Variants in SSU72 observed in about 807,000 individuals in gnomAD.
The protein encoded by SSU72 is SSU72 homolog, RNA polymerase II CTD phosphatase.
A neutral mutation model predicts 22.7 loss-of-function variants in SSU72; 12 were observed. The ratio of observed to expected loss-of-function variants is 0.53; its 90% CI spans 0.34 to 0.86. SSU72 has a LOEUF of 0.86. Ranked by LOEUF, SSU72 falls within the 40% of genes least tolerant of loss-of-function variation. The pLI, the probability that SSU72 is intolerant of heterozygous loss-of-function variation, is 0.02. For missense variants in SSU72, 151 were observed against 249.8 expected, an observed-to-expected ratio of 0.60 and a Z score of 2.67; for synonymous variants, 116 against 98.3, an observed-to-expected ratio of 1.18 and a Z score of -1.06.
chr1:1,564,590 G>A (rs1356217457), intron 2 of SSU72, 183 bp downstream of exon 2: 1 of 1,607,152 alleles, frequency 6.2e-7, no homozygotes, highest in Admixed American at 1.7e-5. Context: ...TGCCATGGGT[G>A]GCACTGGAAC....
intron 2 of SSU72, among the ~76,000 whole-genome samples, chr1:1,556,336 G>A (rs1219047453): frequency 6.6e-6 from 1 of 152,174 alleles, no homozygotes; most frequent in Non-Finnish European, 1.5e-5. Flanking sequence ...GGGAAGCTGA[G>A]GCAGGAGAAT....
chr1:1,559,160 G>C (rs1293468553), intron 2 of SSU72, among the ~76,000 whole-genome samples: 2 of 152,228 alleles, frequency 1.3e-5, no homozygotes, highest in African/African-American at 4.8e-5. Flanking sequence ...CTGGGACTTA[G>C]AAATAGTTCC....
In SSU72 at chr1:1,554,051, G is replaced by A. The variant is rs567617680; in HGVS notation, c.225-9049C>T. On this transcript the variant is annotated intron_variant, in intron 2 of 4. Coordinates refer to ENST00000291386, the MANE Select transcript of SSU72 (RefSeq NM_014188.3). This position sits in a 1 kb window ranked among gnomAD's most constrained non-coding sequence, Gnocchi z 4.1. The stretch of plus-strand genomic sequence containing the variant: ...GACGTCAGGTGGCCACGGAGACCAC[G>A]TGTCAGTGGCCAGGGCCTCTAAAGA... Among the ~76,000 whole-genome samples, 27 of 152,332 alleles carry A rather than the reference G, an allele frequency of 1.8e-4. No individual in the cohort carries two copies. The highest frequency in any genetic ancestry group is 1.4e-3 in the Admixed American group (22 of 15,298).
In SSU72 at chr1:1,574,856, A is replaced by G. The variant is rs968770448; in HGVS notation, c.-299T>C. 3 of 360,794 alleles carry G rather than the reference A, an allele frequency of 8.3e-6. No individual in the cohort carries two copies. Among genetic ancestry groups the G allele is most frequent in the African/African-American group, 4.3e-5 (2 of 46,588 alleles). 22.3% of individuals were successfully genotyped at this position (360,794 alleles called of 1,614,324 possible). On this transcript the variant is annotated 5_prime_UTR_variant, in exon 1 of 5. Coordinates refer to ENST00000291386, the MANE Select transcript of SSU72 (RefSeq NM_014188.3). ...ACCCGCACTCCACAAGGCCCGGCTG[A>G]GCGTCACGGCGCCAAGCGGCGGCGT...
At chr1:1,567,867 C>T (rs998955655) in intron 1 of SSU72, among the ~76,000 whole-genome samples, 26 of 140,430 alleles carry the variant, frequency 1.9e-4, no homozygotes, top group Non-Finnish European at 1.0e-4. Flanking sequence ...GAGCCGAGAT[C>T]GCGCCATTGC....
At chr1:1,566,408 T>C (rs925219448) in intron 1 of SSU72, among the ~76,000 whole-genome samples, 2 of 152,186 alleles carry the variant, frequency 1.3e-5, no homozygotes, top group Non-Finnish European at 2.9e-5. Context: ...TGAAGGAATC[T>C]GCCTGGCTCA....
At chr1:1,563,428 G>C in intron 2 of SSU72, 1 of 151,556 alleles carries the variant, frequency 6.6e-6, no homozygotes, top group African/African-American at 2.4e-5. Flanking sequence ...AGCTATTCGG[G>C]AGGCTGAGGC....
At position 1,541,688 on chromosome 1, in the gene SSU72, TTTA is replaced by T. The variant is rs1642320743; in HGVS notation, c.*375_*377del. The T allele has an allele frequency of 4.3e-6, 1 of 232,086 alleles. No homozygotes were observed. Among genetic ancestry groups the T allele is most frequent in the African/African-American group, 2.3e-5 (1 of 42,758 alleles). The allele number at this position is 232,086 out of a possible 1,614,324, so 14.4% of individuals were successfully genotyped here. ...CCAGGCACAATGACAGCAGCATCTG[TTTA>T]TTGACAATTCCAGGTCATTCCTAAC... On this transcript the variant is annotated 3_prime_UTR_variant, in exon 5 of 5. Transcript: ENST00000291386.
chr1:1,543,805 ACGGCCTCGGTCACTCCCCT>A, intron 4 of SSU72, 45 bp downstream of exon 4: 1 of 1,375,394 alleles, frequency 7.3e-7, no homozygotes, highest in Non-Finnish European at 1.0e-6. Context: ...CCCCTCTGTC[ACGGCCTCGGTCACTCCCCT>A]CTGTCACAAC....
At chr1:1,565,626 C>T (rs930309461) in intron 1 of SSU72, among the ~76,000 whole-genome samples, 4 of 45,902 alleles carry the variant, frequency 8.7e-5, no homozygotes, top group Non-Finnish European at 1.2e-4. Context: ...AACACCCCCA[C>T]GATGTGGCTC....
rs753699933 is a variant in SSU72 at position 1,571,244 on chromosome 1, C to CAAAAAAAAAAAAAAA, written c.80+3219_80+3233dup. On this transcript the variant is annotated intron_variant, in intron 1 of 4. Coordinates refer to ENST00000291386, the MANE Select transcript of SSU72 (RefSeq NM_014188.3). ...TGGGCGACAGAGTGAGACTCCATCT[C>CAAAAAAAAAAAAAAA]AAAAAAAAAAAAAAAAAAAAAAAAA... Among the ~76,000 whole-genome samples, 4 of 46,864 alleles carry CAAAAAAAAAAAAAAA rather than the reference C, an allele frequency of 8.5e-5. 1 individual carries two copies. The highest frequency in any genetic ancestry group is 5.2e-4 in the Admixed American group (2 of 3,868). The allele number at this position is 46,864 out of a possible 152,430, so 30.7% of individuals were successfully genotyped here.
At chr1:1,572,698 C>T (rs1000990968) in intron 1 of SSU72, among the ~76,000 whole-genome samples, 6 of 151,280 alleles carry the variant, frequency 4.0e-5, no homozygotes, top group Non-Finnish European at 7.4e-5. Flanking sequence ...ACTTTGTGAT[C>T]CGCCCATCTC....
intron 2 of SSU72, among the ~76,000 whole-genome samples, chr1:1,552,708 G>A (rs1642467832): frequency 6.6e-6 from 1 of 152,178 alleles, no homozygotes; most frequent in South Asian, 2.1e-4. Context: ...CTGAGGCTTA[G>A]TAGACTCTCA....
chr1:1,553,456 C>T (rs113386956), intron 2 of SSU72, among the ~76,000 whole-genome samples: 4 of 152,028 alleles, frequency 2.6e-5, no homozygotes, highest in African/African-American at 7.2e-5. Context: ...CATGGTGAAA[C>T]CCGTCTCTAG....
chr1:1,564,070 A>G (rs1038143467), intron 2 of SSU72: 7 of 156,324 alleles, frequency 4.5e-5, no homozygotes, highest in South Asian at 4.0e-4. Flanking sequence ...ATCACTCACT[A>G]TAACAAAATA....
intron 1 of SSU72, among the ~76,000 whole-genome samples, chr1:1,567,014 G>C (rs1345558996): frequency 6.6e-6 from 1 of 152,170 alleles, no homozygotes. Context: ...ACAGACACTG[G>C]CTTCTAGAAA....
rs941427584 is a variant in SSU72, at chr1:1,541,760, G to C, written c.*306C>G. The stretch of plus-strand genomic sequence containing the variant: ...GTACAGTCCGGCCCGGTGGGGAGGA[G>C]GGAGGGAAGGCAGGCACACGAAGAC... On this transcript the variant is annotated 3_prime_UTR_variant, in exon 5 of 5. Transcript: ENST00000291386. The C allele has an allele frequency of 2.6e-6, 1 of 389,384 alleles. No homozygotes were observed. The highest frequency in any genetic ancestry group is 2.1e-5 in the African/African-American group (1 of 48,206). 24.1% of individuals were successfully genotyped at this position (389,384 alleles called of 1,614,324 possible). A position where few individuals can be genotyped will look rare whatever the true frequency, so the allele number is the denominator to read the frequency against.
intron 2 of SSU72, chr1:1,563,849 T>A (rs565133566): frequency 6.6e-6 from 1 of 152,070 alleles, no homozygotes; most frequent in African/African-American, 2.4e-5. Flanking sequence ...GGTGACACAG[T>A]GAGACTCTGC....
At chr1:1,546,889 G>A (rs1313589405) in intron 2 of SSU72, among the ~76,000 whole-genome samples, 6 of 144,904 alleles carry the variant, frequency 4.1e-5, no homozygotes, top group Admixed American at 7.4e-5. Context: ...AAAAAAGGCC[G>A]GGCGCGGTGG....
Sources: gnomAD v4.1 joint callset for allele counts (sites outside exome capture counted in the v4.1 genomes callset) on GRCh38, gnomAD v4.1.1 for gene constraint, Gnocchi (gnomAD v3.1) non-coding constraint, MANE v1.5 for transcripts, NCBI Gene and HGNC (gene_info 2026-07-23, HGNC 2026-07-21) for gene names.